The following COL6A2 variants were observed in gnomAD, a reference collection of about 807,000 sequenced individuals.
COL6A2 encodes the protein collagen alpha-2(VI) chain.
Under a neutral mutation model 124.9 loss-of-function variants are expected in COL6A2, and 90 were observed. The ratio of observed to expected loss-of-function variants is 0.72; its 90% CI spans 0.61 to 0.86. The LOEUF is 0.86. COL6A2 is among the 40% of genes least tolerant of loss of function. COL6A2 has a pLI of 0.00. For missense variants in COL6A2, 1,607 were observed against 1,502.5 expected (o/e 1.07, Z -1.15); for synonymous variants, 793 against 618.2 (o/e 1.28, Z -4.19).
chr21:46,105,360 T>G (rs1444633251), intron 1 of COL6A2, among the ~76,000 whole-genome samples: 1 of 152,192 alleles, frequency 6.6e-6, no homozygotes, highest in African/African-American at 2.4e-5. Context: ...CACTCCAGCC[T>G]GGGCAACAGA....
intron 26 of COL6A2, 21 bp from the exon 27 acceptor site, chr21:46,126,482 G>GGCCCGGCCCGGCCCA (rs758877361): frequency 1.2e-6 from 2 of 1,613,042 alleles, no homozygotes; most frequent in Non-Finnish European, 8.5e-7. Context: ...GGCCTGGCCC[G>GGCCCGGCCCGGCCCA]GCCTCTCTCC....
At chr21:46,131,187 A>G (rs2078755758) in intron 27 of COL6A2, among the ~76,000 whole-genome samples, 2 of 152,198 alleles carry the variant, frequency 1.3e-5, no homozygotes, top group Admixed American at 6.5e-5. Context: ...CCACAGGGCC[A>G]GGTCCACGCA....
chr21:46,121,801 T>G (rs1488727645), intron 18 of COL6A2, among the ~76,000 whole-genome samples, 183 bp downstream of exon 18: 4 of 152,094 alleles, frequency 2.6e-5, no homozygotes, highest in African/African-American at 9.7e-5. Context: ...CCCCTGGCTC[T>G]CCTCTTCAGC....
At position 46,123,079 on chromosome 21, in the gene COL6A2, G is replaced by GGAAC. The variant is rs971433059; in HGVS notation, c.1671+144_1671+147dup. 5 of 839,478 alleles carry GGAAC rather than the reference G, an allele frequency of 6.0e-6. No homozygotes were observed. In the African/African-American group the frequency reaches 6.8e-5, roughly 11 times the overall value. 52.0% of individuals were successfully genotyped at this position (839,478 alleles called of 1,614,324 possible). ...GAGCACCACCCCCACCTTCCTAAAG[G>GGAAC]GAACGGCTGGCTCAGGGGCCCCCTC... On this transcript the variant is annotated intron_variant, in intron 21 of 27. Transcript: ENST00000300527.
Position 46,116,869 on chromosome 21 carries a change from T to A in COL6A2, c.999+55T>A, listed in dbSNP as rs1403751583. The A allele has an allele frequency of 1.3e-6, 2 of 1,592,838 alleles. No homozygotes were observed. Among genetic ancestry groups the A allele is most frequent in the African/African-American group, 1.3e-5 (1 of 74,394 alleles). On this transcript the variant is annotated intron_variant, in intron 10 of 27. Coordinates refer to ENST00000300527, the MANE Select transcript of COL6A2 (RefSeq NM_001849.4). The surrounding 1 kb of genome is among the most constrained non-coding windows in gnomAD (Gnocchi z 4.6). Reference sequence around the variant, plus strand: ...CTGGTCTCACAGAGGCATCCCAGCCTCTGCAGGGCCCCCAGATCCAGCCTG... The same window carrying A: ...CTGGTCTCACAGAGGCATCCCAGCCACTGCAGGGCCCCCAGATCCAGCCTG...
intron 27 of COL6A2, among the ~76,000 whole-genome samples, chr21:46,130,214 G>A (rs555822621): frequency 1.1e-4 from 17 of 152,160 alleles, no homozygotes; most frequent in East Asian, 3.8e-4. Flanking sequence ...CCCTGATCCC[G>A]GGGTGTCTGC....
At chr21:46,127,927 C>T (rs1487016322) in intron 27 of COL6A2, among the ~76,000 whole-genome samples, 4 of 152,236 alleles carry the variant, frequency 2.6e-5, no homozygotes, top group Non-Finnish European at 5.9e-5. Flanking sequence ...CCCTGCGTGC[C>T]CGGGATAAAC....
rs764497780 is a variant in COL6A2, at chr21:46,125,799, G to A, written c.1984G>A (p.Val662Met). ...GCGGCTTGCAGGGACGCGTGTGGGC[G>A]TGGTGCAGTACAGCCACGAGGGCAC... ...PKSETGTRVG[V>M]VQYSHEGTFE... Residue 662 changes from valine to methionine, a missense_variant, in exon 26 of 28, where the codon GTG becomes ATG. Physicochemically the swap from Val to Met is conservative, Grantham distance 21. Around this residue, in one of 3 missense-constraint regions of COL6A2, gnomAD observed 1,223 missense variants for 1,052.2 expected, o/e 1.16. Transcript: ENST00000300527. 6.2e-6 allele frequency: 10 copies of A among 1,612,000 alleles called. No individual in the cohort carries two copies. The Admixed American group carries it at 6.7e-5, about 11-fold the overall frequency.
At chr21:46,122,744 A>G in intron 20 of COL6A2, 131 bp from the exon 21 acceptor site, 1 of 1,096,358 alleles carries the variant, frequency 9.1e-7, no homozygotes, top group Non-Finnish European at 1.4e-6. Context: ...GGCTTTGCAA[A>G]AAAACCACAT....
At position 46,125,243 on chromosome 21, in the gene COL6A2, C is replaced by T; in HGVS notation, c.1771-23C>T. 4 of 1,611,002 alleles carry T rather than the reference C, an allele frequency of 2.5e-6. No homozygotes were observed. The South Asian group carries it at 4.4e-5, about 18-fold the overall frequency. On this transcript the variant is annotated intron_variant, in intron 23 of 27. Transcript: ENST00000300527. ...TCTTCTGGGGCCCCGGGGGGACTACCCTGCCTGCCGTGTGCATTGCAGGAG... is the reference window on the plus strand; with the variant it reads ...TCTTCTGGGGCCCCGGGGGGACTACTCTGCCTGCCGTGTGCATTGCAGGAG...
Position 46,122,099 on chromosome 21 carries a change from C to T in COL6A2, c.1522-9C>T, listed in dbSNP as rs371576207. 77 of 1,612,476 alleles carry T rather than the reference C, an allele frequency of 4.8e-5. No individual in the cohort carries two copies. In the African/African-American group the frequency reaches 9.2e-4, roughly 19 times the overall value. ...TGACCATGCTGACCGACTCAACGTC[C>T]TCCTCCAGGGAGACCCCGGCAGGCC... On this transcript the variant is annotated splice_polypyrimidine_tract_variant and intron_variant, in intron 18 of 27. Coordinates refer to ENST00000300527, the MANE Select transcript of COL6A2 (RefSeq NM_001849.4).
In COL6A2 at chr21:46,120,144, A is replaced by ACCGCTCAC. The variant is rs2078540593; in HGVS notation, c.1332+296_1332+297insGCTCACCC. Among the ~76,000 whole-genome samples, 12 of 135,954 alleles carry ACCGCTCAC rather than the reference A, an allele frequency of 8.8e-5. 1 individual carries two copies. Among genetic ancestry groups the ACCGCTCAC allele is most frequent in the Non-Finnish European group, 1.3e-4 (8 of 62,088 alleles). 89.2% of individuals were successfully genotyped at this position (135,954 alleles called of 152,430 possible). A position where few individuals can be genotyped will look rare whatever the true frequency, so the allele number is the denominator to read the frequency against. On this transcript the variant is annotated intron_variant, in intron 15 of 27. Transcript: ENST00000300527. Reference sequence around the variant, plus strand: ...CCCGGCCCCCACTGAGGCACCTCTTACCCCCAGCCCACTGAGGCATTGCTC... The same window carrying ACCGCTCAC: ...CCCGGCCCCCACTGAGGCACCTCTTACCGCTCACCCCCCAGCCCACTGAGGCATTGCTC...
At position 46,125,877 on chromosome 21, in the gene COL6A2, A is replaced by G; in HGVS notation, c.2062A>G (p.Lys688Glu). ...DERIDSLSSF[K>E]EAVKNLEWIA... ...ACGTATCGACTCCCTGTCGAGCTTC[A>G]AGGAGGCTGTCAAGAACCTCGAGTG... Residue 688 changes from lysine (K) to glutamate (E), a missense_variant, in exon 26 of 28, where the codon AAG becomes GAG. Lys to Glu is a moderately conservative substitution (Grantham distance 56, BLOSUM62 1). Coordinates refer to ENST00000300527, the MANE Select transcript of COL6A2 (RefSeq NM_001849.4). 6.2e-7 allele frequency: 1 copy of G among 1,613,088 alleles called. No homozygotes were observed.
chr21:46,125,176 G>C, intron 23 of COL6A2, 90 bp from the exon 24 acceptor site: 1 of 1,314,680 alleles, frequency 7.6e-7, no homozygotes, highest in Non-Finnish European at 1.1e-6. Context: ...ACGTGGGCTG[G>C]AATGTCCCGG....
intron 23 of COL6A2, among the ~76,000 whole-genome samples, 150 bp from the exon 24 acceptor site, chr21:46,125,087 AAGGTTGGTGGGGGGAGGAGGGTGGCAGCG>A (rs1254375593): frequency 6.6e-6 from 1 of 152,020 alleles, no homozygotes; most frequent in Non-Finnish European, 1.5e-5. Context: ...GTCACAGGGC[AAGGTTGGTGGGGGGAGGAGGGTGGCAGCG>A]AGGTTGGTAG....
chr21:46,111,641 G>T lies in COL6A2; in HGVS notation c.115+50G>T, dbSNP rs758088941. The T allele has an allele frequency of 1.7e-4, 95 of 575,512 alleles. 1 individual carries two copies. The East Asian group carries it at 2.9e-3, about 17-fold the overall frequency. 35.7% of individuals were successfully genotyped at this position (575,512 alleles called of 1,614,324 possible). ...CTCTGGGCATTTGGGGGGCAGTTGGGACCAGTACCCAGGTGCCAGGGGTCG... is the reference window on the plus strand; with the variant it reads ...CTCTGGGCATTTGGGGGGCAGTTGGTACCAGTACCCAGGTGCCAGGGGTCG... On this transcript the variant is annotated intron_variant, in intron 2 of 27. Coordinates refer to ENST00000300527, the MANE Select transcript of COL6A2 (RefSeq NM_001849.4).
rs73159701 is a variant in COL6A2, at chr21:46,120,507, T to C, written c.1333-8T>C. The C allele has an allele frequency of 0.21, 323,098 of 1,512,874 alleles. 37,201 individuals carry two copies. The highest frequency in any genetic ancestry group is 0.37 in the East Asian group (14,939 of 39,844). 93.7% of individuals were successfully genotyped at this position (1,512,874 alleles called of 1,614,324 possible). A position where few individuals can be genotyped will look rare whatever the true frequency, so the allele number is the denominator to read the frequency against. ...GAGACCCGTGGGGCCTCCCTTCCCT[T>C]CCCACAGGGGGACCCTGGCCCTGAG... On this transcript the variant is annotated splice_polypyrimidine_tract_variant and splice_region_variant and intron_variant, in intron 15 of 27. Transcript: ENST00000300527.
At chr21:46,109,009 G>A (rs59068657) in intron 1 of COL6A2, among the ~76,000 whole-genome samples, 3 of 152,122 alleles carry the variant, frequency 2.0e-5, no homozygotes, top group South Asian at 2.1e-4. Flanking sequence ...TTGTCTTGTC[G>A]GCGGGTTGTC....
intron 13 of COL6A2, 65 bp from the exon 14 acceptor site, chr21:46,118,965 C>T: frequency 7.7e-7 from 1 of 1,291,216 alleles, no homozygotes; most frequent in Non-Finnish European, 1.1e-6. Context: ...CCACACACCG[C>T]ACAGGCGTGA....
Sources: gnomAD v4.1 joint callset for allele counts (sites outside exome capture counted in the v4.1 genomes callset) on GRCh38, gnomAD v4.1.1 for gene constraint, gnomAD v4.1.1 regional missense constraint, Gnocchi (gnomAD v3.1) non-coding constraint, MANE v1.5 for transcripts, NCBI Gene and HGNC (gene_info 2026-07-23, HGNC 2026-07-21) for gene names.